The following EPM2A variants were observed in gnomAD, a reference collection of about 807,000 sequenced individuals.
EPM2A encodes EPM2A glucan phosphatase, laforin, also known as laforin.
A neutral mutation model predicts 26.5 loss-of-function variants in EPM2A; 21 were observed. The observed-to-expected ratio is 0.79, with a 90% CI of 0.56 to 1.14. EPM2A has a LOEUF of 1.14. Among genes scored for constraint, EPM2A ranks in the 50% most tolerant of loss-of-function variants. The pLI, the probability that EPM2A is intolerant of heterozygous loss-of-function variation, is 0.00. For missense variants in EPM2A, 458 were observed against 440.8 expected (o/e 1.04, Z -0.35); for synonymous variants, 217 against 177.6 (o/e 1.22, Z -1.76).
At chr6:145,514,764 C>T (rs1780102204) in intron 2 of EPM2A, among the ~76,000 whole-genome samples, 3 of 152,192 alleles carry the variant, frequency 2.0e-5, no homozygotes, top group Non-Finnish European at 4.4e-5. Flanking sequence ...CTGCACTCGA[C>T]AGTCTCTCTC....
intron 2 of EPM2A, chr6:145,639,406 A>G (rs2128567086): frequency 6.6e-6 from 1 of 152,276 alleles, no homozygotes; most frequent in East Asian, 1.9e-4. Flanking sequence ...TCCATCTCAG[A>G]GATACTTATA....
intron 2 of EPM2A, among the ~76,000 whole-genome samples, chr6:145,645,705 C>A (rs1777410379): frequency 6.6e-6 from 1 of 151,914 alleles, no homozygotes; most frequent in South Asian, 2.1e-4. Flanking sequence ...GGCTCAAGCA[C>A]TCCTCCTGCC....
chr6:145,575,862 T>C (rs1185233391), intron 2 of EPM2A, among the ~76,000 whole-genome samples: 1 of 152,228 alleles, frequency 6.6e-6, no homozygotes, highest in Non-Finnish European at 1.5e-5. Context: ...TAATATTCTG[T>C]TCCTCAAGAA....
chr6:145,478,319 G>T (rs1333367660), intron 4 of EPM2A, among the ~76,000 whole-genome samples: 2 of 151,874 alleles, frequency 1.3e-5, no homozygotes, highest in Non-Finnish European at 2.9e-5. Context: ...TCATAGATGG[G>T]AAGAATCAAT....
chr6:145,597,559 T>C (rs1262269575), intron 2 of EPM2A, among the ~76,000 whole-genome samples: 2 of 152,044 alleles, frequency 1.3e-5, no homozygotes, highest in African/African-American at 2.4e-5. Flanking sequence ...TTGTGTTGCA[T>C]AATCAGTGGG....
intron 2 of EPM2A, among the ~76,000 whole-genome samples, chr6:145,606,436 GTTT>G (rs1324366013): frequency 4.6e-5 from 7 of 151,432 alleles, no homozygotes; most frequent in African/African-American, 1.5e-4. Context: ...TTAAATATTT[GTTT>G]TTGTTTATAA....
intron 4 of EPM2A, among the ~76,000 whole-genome samples, chr6:145,445,823 A>G (rs922554440): frequency 2.0e-5 from 3 of 152,228 alleles, no homozygotes; most frequent in African/African-American, 2.4e-5. Flanking sequence ...TGCTCCTCTC[A>G]TTGAGAGGCG....
In EPM2A at chr6:145,540,956, T is replaced by C. The variant is rs75815572; in HGVS notation, c.341-38381A>G. 7.3e-3 allele frequency among the ~76,000 whole-genome samples: 1,118 copies of C among 152,232 alleles called. 9 individuals carry two copies. The highest frequency in any genetic ancestry group is 0.012 in the Non-Finnish European group (841 of 68,014). ...TGAGTAATTCAAAGCCAAATATAAATTTTGGCCTATAACTGGCAGAACTGG... is the reference window on the plus strand; with the variant it reads ...TGAGTAATTCAAAGCCAAATATAAACTTTGGCCTATAACTGGCAGAACTGG... On this transcript the variant is annotated intron_variant, in intron 2 of 3. Coordinates refer to the EPM2A transcript ENST00000450221.
At chr6:145,404,895 T>C (rs1778545753) in intron 4 of EPM2A, among the ~76,000 whole-genome samples, 1 of 152,124 alleles carries the variant, frequency 6.6e-6, no homozygotes, top group Admixed American at 6.6e-5. Flanking sequence ...AACCTGGAAG[T>C]GTGATTTTGA....
rs1165994753 is a variant in EPM2A, at chr6:145,405,599, G to T, written c.556-21502C>A. On this transcript the variant is annotated intron_variant, in intron 4 of 4. Transcript: ENST00000638717. ...CCTTTTCTAAATTTTAAAAAATAAA[G>T]CAGCAGAAATATGCAAAATCATTTT... 3.3e-5 allele frequency among the ~76,000 whole-genome samples: 5 copies of T among 152,168 alleles called. No individual in the cohort carries two copies. In the South Asian group the frequency reaches 6.2e-4, roughly 19 times the overall value.
In EPM2A at chr6:145,502,158, A is replaced by G. The variant is rs1252788364; in HGVS notation, c.395-311T>C. ...GAAATTGGTATAAAGCACATAGCTA[A>G]ACCTTTGGAAGTCAATTAAAGGAAA... On this transcript the variant is annotated intron_variant, in intron 3 of 3. Transcript: ENST00000450221. Among the ~76,000 whole-genome samples the G allele has an allele frequency of 2.0e-5, 3 of 152,218 alleles. No individual in the cohort carries two copies. The East Asian group carries it at 5.8e-4, about 29-fold the overall frequency.
At chr6:145,638,425 GT>G (rs1199928554) in intron 2 of EPM2A, 1 of 152,180 alleles carries the variant, frequency 6.6e-6, no homozygotes, top group African/African-American at 2.4e-5. Context: ...GCCTTCAAAT[GT>G]TTTTAAGGTG....
chr6:145,555,650 C>T (rs1780718939), intron 2 of EPM2A, among the ~76,000 whole-genome samples: 1 of 152,112 alleles, frequency 6.6e-6, no homozygotes, highest in African/African-American at 2.4e-5. Flanking sequence ...TCAACATACA[C>T]ACACACGCAT....
In EPM2A at chr6:145,650,357, C is replaced by T. The variant is rs1001737175; in HGVS notation, c.477-14871G>A. 2.6e-5 allele frequency among the ~76,000 whole-genome samples: 4 copies of T among 152,100 alleles called. No homozygotes were observed. The East Asian group carries it at 7.7e-4, about 29-fold the overall frequency. ...CCTGAGGTCAGGAGTTCAAGACCAG[C>T]CTGGCCAACATGGTGAAAGCCCTGT... On this transcript the variant is annotated intron_variant, in intron 2 of 3. Coordinates refer to ENST00000367519, the MANE Select transcript of EPM2A (RefSeq NM_005670.4).
chr6:145,469,257 G>A (rs111263167), intron 4 of EPM2A, among the ~76,000 whole-genome samples: 2 of 152,110 alleles, frequency 1.3e-5, no homozygotes, highest in South Asian at 2.1e-4. Flanking sequence ...AATAGCATGA[G>A]GGAAACCACC....
chr6:145,520,016 T>C (rs150860340), intron 2 of EPM2A, among the ~76,000 whole-genome samples: 3 of 152,264 alleles, frequency 2.0e-5, no homozygotes, highest in Non-Finnish European at 4.4e-5. Flanking sequence ...TCAAATACTG[T>C]CCATCCTTTA....
intron 2 of EPM2A, among the ~76,000 whole-genome samples, chr6:145,668,234 G>C (rs948708651): frequency 2.0e-5 from 3 of 152,100 alleles, no homozygotes; most frequent in Admixed American, 2.0e-4. Flanking sequence ...TAGAAGAAAG[G>C]GGTGTTGGGA....
At chr6:145,412,214 C>CAAAA (rs11404849) in intron 4 of EPM2A, among the ~76,000 whole-genome samples, 1 of 114,060 alleles carries the variant, frequency 8.8e-6, no homozygotes. Context: ...GACTCTGTCT[C>CAAAA]AAAAAAAAAA....
intron 1 of EPM2A, among the ~76,000 whole-genome samples, chr6:145,712,978 G>T (rs1288663567): frequency 1.3e-5 from 2 of 152,172 alleles, no homozygotes; most frequent in African/African-American, 2.4e-5. Flanking sequence ...GTTCTTTAGG[G>T]ATAGACTAAT....
Sources: allele counts gnomAD v4.1 joint callset (sites outside exome capture counted in the v4.1 genomes callset), GRCh38; gene constraint gnomAD v4.1.1; transcripts MANE v1.5; gene names NCBI Gene and HGNC (gene_info 2026-07-23, HGNC 2026-07-21).